Variants in KAZN observed in about 807,000 individuals in gnomAD.
The protein encoded by KAZN is kazrin.
KAZN carries 40 observed loss-of-function variants against 87.4 expected under a neutral mutation model. That is an observed-to-expected ratio of 0.46 (90% CI 0.36 to 0.60). The LOEUF is 0.60. Ranked by LOEUF, KAZN falls within the 20% of genes least tolerant of loss-of-function variation. The probability of loss-of-function intolerance (pLI) is 0.00; values close to 1 mark genes in which losing one functional copy is unlikely to be tolerated. For missense variants in KAZN, 898 were observed against 1,073.9 expected, an observed-to-expected ratio of 0.84 and a Z score of 2.29; for synonymous variants, 466 against 458.3, an observed-to-expected ratio of 1.02 and a Z score of -0.22.
intron 1 of KAZN, among the ~76,000 whole-genome samples, chr1:14,751,104 T>A (rs2100491195): frequency 6.6e-6 from 1 of 152,370 alleles, no homozygotes; most frequent in African/African-American, 2.4e-5. Context: ...CTGTTTTGAT[T>A]TTTTTAAAAA....
At position 14,713,789 on chromosome 1, in the gene KAZN, A is replaced by G. The variant is rs146885271; in HGVS notation, c.226+114566A>G. Among the ~76,000 whole-genome samples the G allele has an allele frequency of 2.1e-4, 16 of 74,750 alleles. 1 individual carries two copies. The highest frequency in any genetic ancestry group is 1.9e-3 in the South Asian group (3 of 1,606). The allele number at this position is 74,750 out of a possible 152,430, so 49.0% of individuals were successfully genotyped here. A position where few individuals can be genotyped will look rare whatever the true frequency, so the allele number is the denominator to read the frequency against. On this transcript the variant is annotated intron_variant, in intron 1 of 14. Transcript: ENST00000376030. ...CCTCATCTCTACAAAAAAAAAAAAA[A>G]AAAAAAAAAAAGAAAGAATAATTAG...
intron 2 of KAZN, among the ~76,000 whole-genome samples, chr1:14,351,492 G>A (rs1658545727): frequency 6.6e-6 from 1 of 152,170 alleles, no homozygotes; most frequent in Non-Finnish European, 1.5e-5. Flanking sequence ...CCGGGAGGAG[G>A]AGGTTGCCGT....
At chr1:14,045,728 G>A (rs1642042148) in intron 1 of KAZN, among the ~76,000 whole-genome samples, 1 of 152,088 alleles carries the variant, frequency 6.6e-6, no homozygotes, top group Non-Finnish European at 1.5e-5. Flanking sequence ...CTGAGCCTTA[G>A]TTTCCTCATC....
chr1:14,226,616 G>A (rs1647315095), intron 2 of KAZN, among the ~76,000 whole-genome samples: 1 of 152,128 alleles, frequency 6.6e-6, no homozygotes, highest in African/African-American at 2.4e-5. Flanking sequence ...GTTCATCGCA[G>A]CACTATTCAG....
chr1:13,936,099 T>TTTTTTTTTG (rs2100952516), intron 1 of KAZN, among the ~76,000 whole-genome samples: 1 of 133,654 alleles, frequency 7.5e-6, no homozygotes, highest in South Asian at 2.8e-4. Flanking sequence ...AAGTGCAGTT[T>TTTTTTTTTG]TTTTTTTTTT....
At chr1:14,879,410 A>G (rs1246332883) in intron 1 of KAZN, among the ~76,000 whole-genome samples, 2 of 152,246 alleles carry the variant, frequency 1.3e-5, no homozygotes, top group Non-Finnish European at 2.9e-5. Context: ...AAATGAGATT[A>G]TTATAGCCAG....
At chr1:14,758,339 T>TTTAC (rs1206148484) in intron 1 of KAZN, among the ~76,000 whole-genome samples, 1 of 151,460 alleles carries the variant, frequency 6.6e-6, no homozygotes, top group Non-Finnish European at 1.5e-5. Context: ...CTAATATTTA[T>TTTAC]TTATTTATTT....
intron 1 of KAZN, among the ~76,000 whole-genome samples, chr1:14,951,335 G>A (rs1235026617): frequency 6.6e-6 from 1 of 152,088 alleles, no homozygotes; most frequent in Non-Finnish European, 1.5e-5. Context: ...CTGGGTACCT[G>A]CTTTGTTGAA....
chr1:15,015,972 G>T (rs10927629), intron 2 of KAZN, among the ~76,000 whole-genome samples: 96,117 of 152,070 alleles, frequency 0.63, 31,469 homozygotes, highest in East Asian at 0.85. Flanking sequence ...TTGAACAGTG[G>T]TCCCTGGGTA....
chr1:14,846,856 G>A (rs1648834658), intron 1 of KAZN, among the ~76,000 whole-genome samples: 1 of 152,054 alleles, frequency 6.6e-6, no homozygotes, highest in Non-Finnish European at 1.5e-5. Flanking sequence ...GTTCAGAGAG[G>A]TTAAGGGACT....
chr1:14,495,303 G>A (rs930904335), intron 2 of KAZN, among the ~76,000 whole-genome samples: 2 of 152,200 alleles, frequency 1.3e-5, no homozygotes, highest in African/African-American at 2.4e-5. Flanking sequence ...TCCTGTGACA[G>A]TAATCATTTT....
chr1:15,048,722 CGTTG>C, intron 4 of KAZN, among the ~76,000 whole-genome samples: 7 of 144,290 alleles, frequency 4.9e-5, no homozygotes, highest in East Asian at 2.1e-4. Flanking sequence ...GGTCCTGGGT[CGTTG>C]GTCATGGGTC....
chr1:14,178,612 G>A (rs977006220), intron 1 of KAZN, among the ~76,000 whole-genome samples: 3 of 152,066 alleles, frequency 2.0e-5, no homozygotes, highest in Non-Finnish European at 4.4e-5. Flanking sequence ...CATATTTTTA[G>A]TAGCTGTCTG....
At chr1:14,142,325 T>C (rs1645258060) in intron 1 of KAZN, among the ~76,000 whole-genome samples, 1 of 152,168 alleles carries the variant, frequency 6.6e-6, no homozygotes, top group Admixed American at 6.5e-5. Flanking sequence ...TCCAATAAAA[T>C]ACACAGTCTA....
intron 1 of KAZN, among the ~76,000 whole-genome samples, chr1:14,689,122 G>A (rs1641131721): frequency 6.6e-6 from 1 of 152,214 alleles, no homozygotes; most frequent in Non-Finnish European, 1.5e-5. Context: ...TTGAACCTGA[G>A]AGGCTGAGTT....
At chr1:14,399,935 G>T (rs1015737961) in intron 2 of KAZN, among the ~76,000 whole-genome samples, 1 of 152,074 alleles carries the variant, frequency 6.6e-6, no homozygotes, top group Non-Finnish European at 1.5e-5. Context: ...ATGACTTAAC[G>T]GAGTGACTTT....
chr1:13,894,620 T>C (rs1638965429), intron 1 of KAZN, among the ~76,000 whole-genome samples: 1 of 152,214 alleles, frequency 6.6e-6, no homozygotes, highest in African/African-American at 2.4e-5. Flanking sequence ...ATTTTGACCG[T>C]GAGTCTCAGG....
At chr1:13,937,839 A>T (rs550773296) in intron 1 of KAZN, among the ~76,000 whole-genome samples, 53 of 152,264 alleles carry the variant, frequency 3.5e-4, no homozygotes, top group African/African-American at 1.2e-3. Context: ...GGTTGTAGGT[A>T]TGTGGCTGTA....
chr1:14,684,627 T>C (rs1236031792), intron 1 of KAZN, among the ~76,000 whole-genome samples: 1 of 152,230 alleles, frequency 6.6e-6, no homozygotes, highest in Non-Finnish European at 1.5e-5. Flanking sequence ...CTTCGCTCTT[T>C]CTAGCTTCTA....
Sources: allele counts gnomAD v4.1 joint callset (sites outside exome capture counted in the v4.1 genomes callset), GRCh38; gene constraint gnomAD v4.1.1; transcripts MANE v1.5; gene names NCBI Gene and HGNC (gene_info 2026-07-23, HGNC 2026-07-21).